KCNIP4: variants seen among roughly 807,000 people sequenced by gnomAD.
KCNIP4 encodes potassium voltage-gated channel interacting protein 4, also known as Kv channel-interacting protein 4.
Under a neutral mutation model 34.0 loss-of-function variants are expected in KCNIP4, and 12 were observed. The observed-to-expected ratio is 0.35, with a 90% CI of 0.23 to 0.57. The LOEUF (loss-of-function observed/expected upper bound fraction) is 0.57. KCNIP4 is among the 20% of genes least tolerant of loss of function. The pLI is 0.83. For missense variants in KCNIP4, 238 were observed against 311.7 expected, an observed-to-expected ratio of 0.76 and a Z score of 1.78; for synonymous variants, 124 against 102.2, an observed-to-expected ratio of 1.21 and a Z score of -1.29.
chr4:20,819,459 C>A (rs1053025158), intron 3 of KCNIP4, among the ~76,000 whole-genome samples: 1 of 152,036 alleles, frequency 6.6e-6, no homozygotes, highest in Non-Finnish European at 1.5e-5. Context: ...GTCTGGTAGG[C>A]TAGGGGTGGG....
intron 1 of KCNIP4, among the ~76,000 whole-genome samples, chr4:21,502,347 T>G (rs1733437090): frequency 6.6e-6 from 1 of 152,090 alleles, no homozygotes; most frequent in African/African-American, 2.4e-5. Flanking sequence ...CTGCTTTTTA[T>G]GAAAGAAGTA....
At chr4:21,555,128 G>A (rs899158949) in intron 1 of KCNIP4, among the ~76,000 whole-genome samples, 2 of 152,126 alleles carry the variant, frequency 1.3e-5, no homozygotes, top group Non-Finnish European at 2.9e-5. Flanking sequence ...AATGCCTCAA[G>A]AAGCGAAATA....
chr4:20,848,025 G>T (rs758973597), intron 3 of KCNIP4, among the ~76,000 whole-genome samples: 20 of 152,056 alleles, frequency 1.3e-4, no homozygotes, highest in Admixed American at 2.0e-4. Flanking sequence ...CTGCTGACCT[G>T]CTTAGTGTAT....
intron 1 of KCNIP4, among the ~76,000 whole-genome samples, chr4:21,433,191 T>C (rs1259091062): frequency 6.6e-6 from 1 of 152,234 alleles, no homozygotes; most frequent in East Asian, 1.9e-4. Flanking sequence ...AAAGACATGA[T>C]GCAAGCTGAA....
chr4:21,364,847 A>C (rs941128766), intron 1 of KCNIP4, among the ~76,000 whole-genome samples: 5 of 152,188 alleles, frequency 3.3e-5, no homozygotes, highest in Non-Finnish European at 5.9e-5. Flanking sequence ...GTTAGAGGCA[A>C]CTATCTTAGA....
chr4:21,312,246 A>G (rs1227188454), intron 1 of KCNIP4, among the ~76,000 whole-genome samples: 1 of 152,174 alleles, frequency 6.6e-6, no homozygotes, highest in Non-Finnish European at 1.5e-5. Context: ...AGAACAGAGA[A>G]CTAAGCTGTT....
Position 21,579,061 on chromosome 4 carries a change from A to T in KCNIP4, c.61+369510T>A, listed in dbSNP as rs551371887. On this transcript the variant is annotated intron_variant, in intron 1 of 8. Coordinates refer to ENST00000382152, the MANE Select transcript of KCNIP4 (RefSeq NM_025221.6). The stretch of plus-strand genomic sequence containing the variant: ...TCCAACTTAAAGAACCTGACATTGG[A>T]GATTCTAAGAGATCAACTGATTTAA... Among the ~76,000 whole-genome samples the T allele has an allele frequency of 2.0e-5, 3 of 152,250 alleles. No individual in the cohort carries two copies. The East Asian group carries it at 5.8e-4, about 29-fold the overall frequency.
At chr4:21,301,642 A>G (rs1043437973) in intron 1 of KCNIP4, among the ~76,000 whole-genome samples, 1 of 152,174 alleles carries the variant, frequency 6.6e-6, no homozygotes, top group Admixed American at 6.5e-5. Flanking sequence ...TTTTTTTAAG[A>G]AAGTTTCAGA....
intron 1 of KCNIP4, among the ~76,000 whole-genome samples, chr4:21,838,025 TACTC>T (rs1195840257): frequency 2.0e-5 from 3 of 152,166 alleles, no homozygotes; most frequent in Admixed American, 6.5e-5. Context: ...AATAATTTAT[TACTC>T]ACTTAAAAGC....
intron 1 of KCNIP4, among the ~76,000 whole-genome samples, chr4:21,044,598 C>T (rs559849349): frequency 6.6e-6 from 1 of 152,326 alleles, no homozygotes; most frequent in African/African-American, 2.4e-5. Flanking sequence ...GCATGAGCCA[C>T]CATGCCCAGC....
chr4:20,906,226 A>G (rs1196495721), intron 1 of KCNIP4, among the ~76,000 whole-genome samples: 1 of 151,858 alleles, frequency 6.6e-6, no homozygotes, highest in Non-Finnish European at 1.5e-5. Context: ...AGCTGTGCCT[A>G]TTGGGCTGCT....
At chr4:21,811,175 C>T (rs1408533715) in intron 1 of KCNIP4, among the ~76,000 whole-genome samples, 1 of 152,172 alleles carries the variant, frequency 6.6e-6, no homozygotes, top group Admixed American at 6.5e-5. Context: ...AACAGCAACA[C>T]ATTTCAGATT....
At chr4:21,739,711 T>C (rs1203850906) in intron 1 of KCNIP4, among the ~76,000 whole-genome samples, 2 of 152,114 alleles carry the variant, frequency 1.3e-5, no homozygotes, top group Non-Finnish European at 2.9e-5. Flanking sequence ...GTTATGCTTG[T>C]TAAAATAAGT....
At chr4:21,693,219 G>C (rs1324697931) in intron 1 of KCNIP4, among the ~76,000 whole-genome samples, 1 of 29,628 alleles carries the variant, frequency 3.4e-5, no homozygotes, top group Non-Finnish European at 8.8e-5. Flanking sequence ...CCTACTTTCA[G>C]AGTTTCTGCT....
intron 1 of KCNIP4, among the ~76,000 whole-genome samples, chr4:21,582,847 C>T (rs774287354): frequency 8.6e-5 from 13 of 152,018 alleles, no homozygotes; most frequent in African/African-American, 2.9e-4. Context: ...TAGCTAGTCA[C>T]TCAAGCATGA....
Position 21,542,099 on chromosome 4 carries a change from T to C in KCNIP4, c.61+406472A>G, listed in dbSNP as rs1210382729. 2.0e-5 allele frequency among the ~76,000 whole-genome samples: 3 copies of C among 152,314 alleles called. No homozygotes were observed. In the East Asian group the frequency reaches 5.8e-4, roughly 29 times the overall value. ...TAGAATGCAGCTAAGTAAGAGAACA[T>C]GTAGTTTTATTTATGGGTTCATAGC... is the stretch of plus-strand genomic sequence containing the variant. On this transcript the variant is annotated intron_variant, in intron 1 of 8. Coordinates refer to ENST00000382152, the MANE Select transcript of KCNIP4 (RefSeq NM_025221.6).
intron 1 of KCNIP4, among the ~76,000 whole-genome samples, chr4:21,070,740 A>G (rs1744830537): frequency 7.9e-6 from 1 of 126,920 alleles, no homozygotes; most frequent in South Asian, 2.4e-4. Flanking sequence ...CGGTGGTGCA[A>G]TCTCGGCTCA....
At chr4:21,609,786 G>A (rs1051482857) in intron 1 of KCNIP4, among the ~76,000 whole-genome samples, 1 of 152,156 alleles carries the variant, frequency 6.6e-6, no homozygotes, top group Non-Finnish European at 1.5e-5. Flanking sequence ...AACATGTAGC[G>A]AGCACCCTAC....
chr4:20,991,840 G>T (rs1270094933), intron 1 of KCNIP4, among the ~76,000 whole-genome samples: 1 of 152,160 alleles, frequency 6.6e-6, no homozygotes, highest in African/African-American at 2.4e-5. Flanking sequence ...CCTAGGCCCT[G>T]TCATACCTTC....
Sources: gnomAD v4.1 joint callset for allele counts (sites outside exome capture counted in the v4.1 genomes callset) on GRCh38, gnomAD v4.1.1 for gene constraint, MANE v1.5 for transcripts, NCBI Gene and HGNC (gene_info 2026-07-23, HGNC 2026-07-21) for gene names.